Variants in CD99L2 observed in about 807,000 individuals in gnomAD.
CD99L2 encodes the protein CD99 antigen-like protein 2.
Under a neutral mutation model 27.3 loss-of-function variants are expected in CD99L2, and 24 were observed. The observed-to-expected ratio is 0.88, with a 90% CI of 0.64 to 1.24. The LOEUF is 1.24. CD99L2 is among the 50% of genes most tolerant of loss of function. The pLI is 0.00. For missense variants in CD99L2, 255 were observed against 221.6 expected (o/e 1.15, Z -0.96); for synonymous variants, 97 against 87.9 (o/e 1.10, Z -0.58).
intron 1 of CD99L2, among the ~76,000 whole-genome samples, chrX:150,835,030 TA>T (rs2046504714): frequency 8.9e-6 from 1 of 111,828 alleles, no homozygotes; most frequent in Non-Finnish European, 1.9e-5. Flanking sequence ...ATGTGGAATC[TA>T]AAAAAGTTGA....
chrX:150,872,409 T>C (rs970911168), intron 1 of CD99L2, among the ~76,000 whole-genome samples: 1 of 106,353 alleles, frequency 9.4e-6, no homozygotes, highest in Non-Finnish European at 1.9e-5. Flanking sequence ...GTATGTGAAT[T>C]ATACCTCATT....
intron 4 of CD99L2, among the ~76,000 whole-genome samples, chrX:150,798,617 A>G (rs1372124957): frequency 8.9e-6 from 1 of 112,458 alleles, no homozygotes; most frequent in Non-Finnish European, 1.9e-5. Flanking sequence ...TAAAACTATA[A>G]AACTCTCAGG....
intron 9 of CD99L2, among the ~76,000 whole-genome samples, chrX:150,772,758 G>A (rs2043483125): frequency 8.9e-6 from 1 of 111,891 alleles, no homozygotes; most frequent in African/African-American, 3.3e-5. Context: ...GGCTCAAGAG[G>A]AGACCTACAC....
At chrX:150,898,058 C>G (rs112863704) in intron 1 of CD99L2, among the ~76,000 whole-genome samples, 11 of 14,131 alleles carry the variant, frequency 7.8e-4, no homozygotes, top group Non-Finnish European at 1.5e-3. Flanking sequence ...TCGCTGACCC[C>G]CCCCCCCCCC....
chrX:150,772,873 T>A (rs2043485481), intron 9 of CD99L2, among the ~76,000 whole-genome samples: 2 of 110,305 alleles, frequency 1.8e-5, no homozygotes, highest in South Asian at 8.0e-4. Context: ...GAAGGCGCCA[T>A]GGGAGAAGGA....
chrX:150,769,681 GCCACCAGGCC>G (rs2043391051), intron 10 of CD99L2, among the ~76,000 whole-genome samples: 1 of 86,625 alleles, frequency 1.2e-5, no homozygotes, highest in Non-Finnish European at 1.9e-5. Flanking sequence ...CCCTGCCTGC[GCCACCAGGCC>G]TCGGCTGCTC....
chrX:150,897,122 A>G (rs1199800511), intron 1 of CD99L2, among the ~76,000 whole-genome samples: 1 of 112,577 alleles, frequency 8.9e-6, no homozygotes, highest in Non-Finnish European at 1.9e-5. Context: ...ATGATCATAC[A>G]TTTTCCTACA....
chrX:150,875,319 C>T (rs1335829573), intron 1 of CD99L2, among the ~76,000 whole-genome samples: 12 of 112,255 alleles, frequency 1.1e-4, no homozygotes, highest in Non-Finnish European at 9.4e-5. Flanking sequence ...AGGATGCTGA[C>T]ATTGATATAA....
chrX:150,854,808 T>A (rs1557421687), intron 1 of CD99L2, among the ~76,000 whole-genome samples: 1 of 111,165 alleles, frequency 9.0e-6, no homozygotes. Context: ...AGATTATACA[T>A]ACCTGCTGCA....
chrX:150,793,929 C>T (rs1359406208), intron 6 of CD99L2, among the ~76,000 whole-genome samples, 173 bp from the exon 7 acceptor site: 1 of 111,366 alleles, frequency 9.0e-6, no homozygotes, highest in Non-Finnish European at 1.9e-5. Context: ...ACATGTCCCG[C>T]ATAATGTCCC....
In CD99L2 at chrX:150,897,653, C is replaced by T. The variant is rs189204508; in HGVS notation, c.67+869G>A. Reference sequence around the variant, plus strand: ...TTCAATTACAGTGTTTCCCTTAATCCCTTTTTCTGATGGGGACATAGGATA... The same window carrying T: ...TTCAATTACAGTGTTTCCCTTAATCTCTTTTTCTGATGGGGACATAGGATA... On this transcript the variant is annotated intron_variant, in intron 1 of 10. Transcript: ENST00000370377. Among the ~76,000 whole-genome samples, 190 of 111,316 alleles carry T rather than the reference C, an allele frequency of 1.7e-3. 2 individuals carry two copies. The highest frequency in any genetic ancestry group is 0.014 in the Admixed American group (147 of 10,443).
chrX:150,870,979 C>T (rs907092904), intron 1 of CD99L2, among the ~76,000 whole-genome samples: 47 of 111,920 alleles, frequency 4.2e-4, no homozygotes, highest in African/African-American at 1.5e-3. Flanking sequence ...CAGGAACTAG[C>T]GAAACAATCC....
At chrX:150,809,917 T>C (rs1365483370) in intron 4 of CD99L2, among the ~76,000 whole-genome samples, 1 of 111,930 alleles carries the variant, frequency 8.9e-6, no homozygotes, top group African/African-American at 3.3e-5. Flanking sequence ...GAAGACATAA[T>C]GATCCTAAAT....
intron 4 of CD99L2, among the ~76,000 whole-genome samples, chrX:150,803,228 G>T (rs1768514918): frequency 9.0e-6 from 1 of 111,470 alleles, no homozygotes; most frequent in African/African-American, 3.3e-5. Flanking sequence ...ATTTAAACAT[G>T]TACCGGATCC....
intron 9 of CD99L2, chrX:150,771,924 G>A (rs1171945457): frequency 2.1e-6 from 2 of 954,994 alleles, no homozygotes; most frequent in African/African-American, 3.8e-5. Flanking sequence ...GGAAGCCAAG[G>A]GTCCCCAGCA....
At chrX:150,845,101 A>G (rs2046682227) in intron 1 of CD99L2, among the ~76,000 whole-genome samples, 1 of 112,079 alleles carries the variant, frequency 8.9e-6, no homozygotes, top group Admixed American at 9.5e-5. Flanking sequence ...GCCAATTTCA[A>G]TCTTCCTTTT....
At position 150,776,233 on chromosome X, in the gene CD99L2, A is replaced by G; in HGVS notation, c.596T>C (p.Ile199Thr). ...GGAGATGTAGCTGGAGACGGCACCG[A>G]TGAGGGCCATGGCCAGGGCGCTGGC... is the stretch of plus-strand genomic sequence containing the variant. ...GVASALAMAL[I>T]GAVSSYISYQ... The change falls in exon 9 of 11, where the codon ATC (isoleucine) becomes ACC (threonine). Residue 199 changes from isoleucine (I) to threonine (T), a missense_variant. Physicochemically the swap from Ile to Thr is moderately conservative, Grantham distance 89 (BLOSUM62 -1). Transcript: ENST00000370377. 8.3e-7 allele frequency: 1 copy of G among 1,211,491 alleles called. No individual in the cohort carries two copies. The highest frequency in any genetic ancestry group is 1.1e-6 in the Non-Finnish European group (1 of 895,279).
intron 4 of CD99L2, among the ~76,000 whole-genome samples, chrX:150,802,643 G>T (rs1178776381): frequency 1.0e-5 from 1 of 98,314 alleles, no homozygotes; most frequent in South Asian, 5.5e-4. Flanking sequence ...GTGCAGTGGC[G>T]TGATCTTGGC....
At position 150,795,187 on chromosome X, in the gene CD99L2, C is replaced by A; in HGVS notation, c.430+19G>T. On this transcript the variant is annotated intron_variant, in intron 6 of 10. Transcript: ENST00000370377. The stretch of plus-strand genomic sequence containing the variant: ...GATGATGTAATTAATGAGACAGAAC[C>A]AGACCAGGTGGGACTCACCTCCTCC... 3.3e-6 allele frequency: 4 copies of A among 1,208,293 alleles called. No homozygotes were observed. Among genetic ancestry groups the A allele is most frequent in the Non-Finnish European group, 4.5e-6 (4 of 892,767 alleles).
Sources: allele counts gnomAD v4.1 joint callset (sites outside exome capture counted in the v4.1 genomes callset), GRCh38; gene constraint gnomAD v4.1.1; transcripts MANE v1.5; gene names NCBI Gene and HGNC (gene_info 2026-07-23, HGNC 2026-07-21).